Variants in ASCC1 observed in about 807,000 individuals in gnomAD.
ASCC1 encodes activating signal cointegrator 1 complex subunit 1, also known as ASC-1 complex subunit P50.
In ASCC1, 35 loss-of-function variants were observed where a neutral mutation model predicts 46.6. The ratio of observed to expected loss-of-function variants is 0.75; its 90% CI spans 0.57 to 0.99. ASCC1 has a LOEUF of 0.99. Ranked by LOEUF, ASCC1 falls within the 50% of genes least tolerant of loss-of-function variation. The pLI is 0.00. For synonymous variants in ASCC1, 143 were observed against 146.6 expected (o/e 0.98, Z 0.18); for missense variants, 376 against 428.7 (o/e 0.88, Z 1.09).
intron 5 of ASCC1, among the ~76,000 whole-genome samples, chr10:72,194,829 G>A (rs895721903): frequency 6.6e-6 from 1 of 151,424 alleles, no homozygotes; most frequent in African/African-American, 2.4e-5. Flanking sequence ...CGCAACCTCA[G>A]CCTCCCAGGT....
intron 7 of ASCC1, among the ~76,000 whole-genome samples, chr10:72,148,006 A>C (rs1178901016): frequency 6.6e-6 from 1 of 152,234 alleles, no homozygotes; most frequent in Non-Finnish European, 1.5e-5. Flanking sequence ...AACGGGGATG[A>C]CATTTGCACT....
intron 5 of ASCC1, among the ~76,000 whole-genome samples, chr10:72,178,912 CA>C (rs2132986216): frequency 6.6e-6 from 1 of 152,184 alleles, no homozygotes; most frequent in South Asian, 2.1e-4. Flanking sequence ...AAGAAATAAA[CA>C]TTAATAATAT....
intron 9 of ASCC1, 107 bp downstream of exon 9, chr10:72,127,975 G>A (rs1845084257): frequency 6.5e-6 from 6 of 923,636 alleles, no homozygotes; most frequent in Non-Finnish European, 1.0e-5. Flanking sequence ...AAAAGTATGA[G>A]AAAAAGTATG....
At chr10:72,169,937 TGGTGAA>T (rs943137079) in intron 5 of ASCC1, among the ~76,000 whole-genome samples, 4 of 152,104 alleles carry the variant, frequency 2.6e-5, no homozygotes, top group Non-Finnish European at 5.9e-5. Flanking sequence ...CTGGCCAACA[TGGTGAA>T]ACCCCGTCTC....
intron 5 of ASCC1, among the ~76,000 whole-genome samples, chr10:72,162,465 C>G (rs1849815724): frequency 6.6e-6 from 1 of 152,028 alleles, no homozygotes; most frequent in Non-Finnish European, 1.5e-5. Flanking sequence ...GCCACCGCGC[C>G]TGGCCCAATT....
At chr10:72,101,673 G>A (rs535303786) in intron 9 of ASCC1, among the ~76,000 whole-genome samples, 134 of 152,274 alleles carry the variant, frequency 8.8e-4, no homozygotes, top group Admixed American at 1.6e-3. Context: ...GGGAACCACT[G>A]AAGGCTTTAG....
intron 3 of ASCC1, among the ~76,000 whole-genome samples, chr10:72,205,870 A>G (rs1186783193): frequency 6.6e-6 from 1 of 151,564 alleles, no homozygotes. Flanking sequence ...CAGGGAGGCC[A>G]AGGTGGGTGG....
intron 4 of ASCC1, 120 bp downstream of exon 4, chr10:72,203,307 G>T: frequency 1.2e-5 from 9 of 720,212 alleles, no homozygotes; most frequent in Non-Finnish European, 1.9e-5. Flanking sequence ...AAAAAGAAAA[G>T]AAAAAGCCCA....
At chr10:72,161,513 A>G (rs750730901) in intron 6 of ASCC1, 25 bp downstream of exon 6, 4 of 1,613,976 alleles carry the variant, frequency 2.5e-6, no homozygotes, top group Non-Finnish European at 3.4e-6. Flanking sequence ...AGACCACCCA[A>G]CCCCCATCCC....
intron 5 of ASCC1, among the ~76,000 whole-genome samples, chr10:72,175,901 A>C (rs1362959355): frequency 6.6e-6 from 1 of 152,232 alleles, no homozygotes; most frequent in Non-Finnish European, 1.5e-5. Context: ...TTAACAGCGC[A>C]AGAGAGATCT....
rs764648529 is a variant in ASCC1, at chr10:72,097,496, A to G, written c.958-46T>C. On this transcript the variant is annotated intron_variant, in intron 9 of 9. Coordinates refer to ENST00000672957, the MANE Select transcript of ASCC1 (RefSeq NM_001198800.3). ...CCCAGAATGAATATTTAAAGTATAG[A>G]TGAAAATATTAAACATCAGATTATC... 6.1e-6 allele frequency: 7 copies of G among 1,156,160 alleles called. No individual in the cohort carries two copies. In the African/African-American group the frequency reaches 1.1e-4, roughly 18 times the overall value. 71.6% of individuals were successfully genotyped at this position (1,156,160 alleles called of 1,614,324 possible).
chr10:72,181,224 A>C (rs1852569242), intron 5 of ASCC1, among the ~76,000 whole-genome samples: 1 of 152,108 alleles, frequency 6.6e-6, no homozygotes, highest in Non-Finnish European at 1.5e-5. Flanking sequence ...TCAGCCTCCC[A>C]AAGTGCTGGG....
intron 9 of ASCC1, among the ~76,000 whole-genome samples, chr10:72,111,735 G>C (rs1012780774): frequency 6.6e-6 from 1 of 151,902 alleles, no homozygotes; most frequent in Non-Finnish European, 1.5e-5. Context: ...TCCACCTCCC[G>C]GGTTCATGCC....
chr10:72,146,248 C>T (rs998606696), intron 7 of ASCC1, among the ~76,000 whole-genome samples: 2 of 152,100 alleles, frequency 1.3e-5, no homozygotes, highest in Non-Finnish European at 2.9e-5. Context: ...ATGACAGAAG[C>T]GCTATGGTCT....
At chr10:72,209,762 C>T (rs1459822915) in intron 3 of ASCC1, among the ~76,000 whole-genome samples, 4 of 151,956 alleles carry the variant, frequency 2.6e-5, no homozygotes, top group African/African-American at 7.3e-5. Flanking sequence ...CCTGCCTAGG[C>T]GAAAGAGCGA....
intron 5 of ASCC1, among the ~76,000 whole-genome samples, chr10:72,172,188 G>T (rs942887684): frequency 6.6e-6 from 1 of 151,896 alleles, no homozygotes; most frequent in African/African-American, 2.4e-5. Context: ...GGCCGAGGCG[G>T]GCGGATCACG....
intron 6 of ASCC1, among the ~76,000 whole-genome samples, chr10:72,153,788 G>A (rs911635878): frequency 1.3e-5 from 2 of 150,372 alleles, no homozygotes; most frequent in South Asian, 4.2e-4. Context: ...GCAATGGCAC[G>A]ATCTCGGATT....
chr10:72,102,639 AG>A (rs1841906526), intron 9 of ASCC1, among the ~76,000 whole-genome samples: 1 of 152,134 alleles, frequency 6.6e-6, no homozygotes, highest in African/African-American at 2.4e-5. Context: ...TTATCATAAC[AG>A]GAGATTTTAA....
chr10:72,170,456 AAGAC>A (rs1233249352), intron 5 of ASCC1, among the ~76,000 whole-genome samples: 1 of 152,066 alleles, frequency 6.6e-6, no homozygotes, highest in African/African-American at 2.4e-5. Context: ...AATGTCAAGA[AAGAC>A]AAAGAGCCGG....
Sources: gnomAD v4.1 joint callset for allele counts (sites outside exome capture counted in the v4.1 genomes callset) on GRCh38, gnomAD v4.1.1 for gene constraint, MANE v1.5 for transcripts, NCBI Gene and HGNC (gene_info 2026-07-23, HGNC 2026-07-21) for gene names.